GPHN: variants seen among roughly 807,000 people sequenced by gnomAD.
The protein encoded by GPHN is gephyrin.
A neutral mutation model predicts 95.5 loss-of-function variants in GPHN; 17 were observed. The ratio of observed to expected loss-of-function variants is 0.18; its 90% CI spans 0.12 to 0.27. The LOEUF is 0.27. Ranked by LOEUF, GPHN falls within the 10% of genes least tolerant of loss-of-function variation. The probability of loss-of-function intolerance (pLI) is 1.00; values close to 1 mark genes in which losing one functional copy is unlikely to be tolerated. For synonymous variants in GPHN, 320 were observed against 322.5 expected, an observed-to-expected ratio of 0.99 and a Z score of 0.08; for missense variants, 660 against 978.1, an observed-to-expected ratio of 0.67 and a Z score of 4.34.
the GPHN span, chr14:67,575,559 C>A: frequency 2.4e-6 from 2 of 820,848 alleles, no homozygotes; most frequent in Admixed American, 2.0e-5. Context: ...AAAGTCCCTA[C>A]CCCACGTAAC....
chr14:67,360,312 T>C, the GPHN span: 2 of 398,212 alleles, frequency 5.0e-6, no homozygotes, highest in African/African-American at 4.1e-5. Flanking sequence ...CGCTTGCGCA[T>C]GCGAGGAGGT....
intron 2 of GPHN, among the ~76,000 whole-genome samples, chr14:66,725,862 G>A (rs1315160821): frequency 6.6e-6 from 1 of 152,140 alleles, no homozygotes; most frequent in East Asian, 1.9e-4. Flanking sequence ...ATGTATGCAT[G>A]CCTGGTATTG....
intron 1 of GPHN, among the ~76,000 whole-genome samples, chr14:66,653,751 A>G (rs2065171967): frequency 6.6e-6 from 1 of 152,176 alleles, no homozygotes; most frequent in Non-Finnish European, 1.5e-5. Flanking sequence ...TCCATACTGT[A>G]TATCAGGCGT....
chr14:66,817,640 A>G (rs1596005942), intron 3 of GPHN, among the ~76,000 whole-genome samples: 1 of 152,256 alleles, frequency 6.6e-6, no homozygotes, highest in East Asian at 1.9e-4. Context: ...AAGGTCACTC[A>G]TGTAGCTGAA....
chr14:66,962,161 T>C (rs1257902688), intron 8 of GPHN, among the ~76,000 whole-genome samples: 1 of 151,008 alleles, frequency 6.6e-6, no homozygotes, highest in African/African-American at 2.4e-5. Flanking sequence ...TTCTTTCAGG[T>C]AACTAATTAC....
At chr14:67,359,283 G>A in the GPHN span, among the ~76,000 whole-genome samples, 1 of 152,190 alleles carries the variant, frequency 6.6e-6, no homozygotes, top group Non-Finnish European at 1.5e-5. Flanking sequence ...CCAGACGAAT[G>A]TCTGGCTACG....
At chr14:67,508,135 CAA>C in the GPHN span, among the ~76,000 whole-genome samples, 4 of 130,612 alleles carry the variant, frequency 3.1e-5, no homozygotes, top group African/African-American at 6.0e-5. Context: ...AACTCCATCT[CAA>C]AAAAAAAAAA....
At chr14:66,753,582 A>G (rs1331340546) in intron 2 of GPHN, among the ~76,000 whole-genome samples, 1 of 152,100 alleles carries the variant, frequency 6.6e-6, no homozygotes, top group Non-Finnish European at 1.5e-5. Flanking sequence ...AAAACAAAAT[A>G]TAATCTACTG....
At chr14:66,745,693 T>G (rs1162792905) in intron 2 of GPHN, among the ~76,000 whole-genome samples, 1 of 152,076 alleles carries the variant, frequency 6.6e-6, no homozygotes, top group African/African-American at 2.4e-5. Context: ...CTAAGACTTT[T>G]ATTATATAGT....
At chr14:67,537,494 G>T in the GPHN span, among the ~76,000 whole-genome samples, 1 of 148,598 alleles carries the variant, frequency 6.7e-6, no homozygotes, top group Non-Finnish European at 1.5e-5. Flanking sequence ...GTGAAACCTT[G>T]TCTTTACAAA....
the GPHN span, among the ~76,000 whole-genome samples, chr14:67,409,869 G>A: frequency 2.6e-5 from 4 of 152,204 alleles, no homozygotes; most frequent in African/African-American, 4.8e-5. Context: ...CCATCTAAGA[G>A]TAGAGGGGAT....
At chr14:66,576,524 A>G (rs1409060301) in intron 1 of GPHN, among the ~76,000 whole-genome samples, 1 of 152,038 alleles carries the variant, frequency 6.6e-6, no homozygotes, top group African/African-American at 2.4e-5. Context: ...AATAATGCCA[A>G]TAATATCTCT....
intron 4 of GPHN, among the ~76,000 whole-genome samples, chr14:66,868,121 T>G (rs142493502): frequency 6.6e-6 from 1 of 152,200 alleles, no homozygotes; most frequent in African/African-American, 2.4e-5. Flanking sequence ...TTATTATTAA[T>G]AGTAGTCATT....
the GPHN span, among the ~76,000 whole-genome samples, chr14:67,224,209 G>C: frequency 6.6e-6 from 1 of 151,698 alleles, no homozygotes; most frequent in African/African-American, 2.4e-5. Flanking sequence ...GCATGAAATA[G>C]GGTCCAGGTT....
intron 4 of GPHN, among the ~76,000 whole-genome samples, chr14:66,858,667 G>C (rs2062897555): frequency 6.6e-6 from 1 of 152,004 alleles, no homozygotes; most frequent in Non-Finnish European, 1.5e-5. Context: ...ATTTTGTCTT[G>C]CACCTTAGGG....
At chr14:67,287,632 G>T in the GPHN span, among the ~76,000 whole-genome samples, 1 of 152,192 alleles carries the variant, frequency 6.6e-6, no homozygotes, top group Non-Finnish European at 1.5e-5. Context: ...AATCCAGAAG[G>T]CAGCTTTGGC....
the GPHN span, among the ~76,000 whole-genome samples, chr14:67,381,958 G>A: frequency 6.6e-6 from 1 of 152,062 alleles, no homozygotes; most frequent in African/African-American, 2.4e-5. Context: ...ACAATAAAGA[G>A]TTGCTGTGCC....
At chr14:67,583,918 G>A in the GPHN span, 2 of 1,611,960 alleles carry the variant, frequency 1.2e-6, no homozygotes, top group Non-Finnish European at 1.7e-6. Context: ...GCAAGTCACT[G>A]TGGGGAGGTC....
chr14:67,336,740 T>C, the GPHN span: 3 of 456,062 alleles, frequency 6.6e-6, no homozygotes, highest in South Asian at 3.1e-5. Flanking sequence ...TTCAGCAGGC[T>C]GTTGGGAAGA....
Sources: allele counts gnomAD v4.1 joint callset (sites outside exome capture counted in the v4.1 genomes callset), GRCh38; gene constraint gnomAD v4.1.1; transcripts MANE v1.5; gene names NCBI Gene and HGNC (gene_info 2026-07-23, HGNC 2026-07-21).